Variants in ZNF385D observed in about 807,000 individuals in gnomAD.
ZNF385D encodes the protein zinc finger protein 659.
In ZNF385D, 15 loss-of-function variants were observed where a neutral mutation model predicts 35.8. That is an observed-to-expected ratio of 0.42 (90% CI 0.28 to 0.64). ZNF385D has a LOEUF of 0.64. ZNF385D is among the 30% of genes least tolerant of loss of function. ZNF385D has a pLI of 0.23. For synonymous variants in ZNF385D, 212 were observed against 186.8 expected, an observed-to-expected ratio of 1.13 and a Z score of -1.10; for missense variants, 474 against 494.6, an observed-to-expected ratio of 0.96 and a Z score of 0.39.
At chr3:21,784,220 G>C (rs891788972) in intron 3 of ZNF385D, among the ~76,000 whole-genome samples, 5 of 152,146 alleles carry the variant, frequency 3.3e-5, no homozygotes, top group South Asian at 4.1e-4. Context: ...CAAAATCCAT[G>C]TTTAAAGCAA....
At chr3:22,282,584 G>A (rs544172766) in intron 2 of ZNF385D, among the ~76,000 whole-genome samples, 1 of 152,120 alleles carries the variant, frequency 6.6e-6, no homozygotes, top group African/African-American at 2.4e-5. Flanking sequence ...ATTCCACTGT[G>A]GTCTGAGAGA....
chr3:22,089,127 A>G (rs1364547365), intron 3 of ZNF385D, among the ~76,000 whole-genome samples: 3 of 152,212 alleles, frequency 2.0e-5, no homozygotes, highest in Non-Finnish European at 4.4e-5. Context: ...TAAATTGGCT[A>G]GATCCCTATA....
At chr3:22,155,999 A>G (rs183637607) in intron 3 of ZNF385D, among the ~76,000 whole-genome samples, 2 of 152,226 alleles carry the variant, frequency 1.3e-5, no homozygotes, top group East Asian at 3.9e-4. Context: ...AAAGAAAAAT[A>G]TGAAAGACAG....
At chr3:22,239,205 A>C (rs746597299) in intron 2 of ZNF385D, among the ~76,000 whole-genome samples, 2 of 151,182 alleles carry the variant, frequency 1.3e-5, no homozygotes, top group Non-Finnish European at 2.9e-5. Flanking sequence ...TTCATTGCCA[A>C]ATCTTGCCTG....
intron 3 of ZNF385D, among the ~76,000 whole-genome samples, chr3:22,037,839 T>C (rs1382179279): frequency 6.6e-6 from 1 of 152,172 alleles, no homozygotes; most frequent in Admixed American, 6.5e-5. Flanking sequence ...TTTATGGTTT[T>C]AGGTCTAACA....
intron 3 of ZNF385D, among the ~76,000 whole-genome samples, chr3:21,951,155 A>T (rs2125298394): frequency 6.6e-6 from 1 of 151,794 alleles, no homozygotes; most frequent in Non-Finnish European, 1.5e-5. Flanking sequence ...CATTTTCATG[A>T]TACTGATTCT....
At chr3:22,254,576 A>G (rs1004538096) in intron 2 of ZNF385D, among the ~76,000 whole-genome samples, 14 of 151,832 alleles carry the variant, frequency 9.2e-5, no homozygotes, top group Non-Finnish European at 2.1e-4. Context: ...CCCCTTATCT[A>G]TATTCCAAGG....
chr3:22,223,529 C>T (rs1698383844), intron 2 of ZNF385D, among the ~76,000 whole-genome samples: 1 of 151,936 alleles, frequency 6.6e-6, no homozygotes, highest in Non-Finnish European at 1.5e-5. Flanking sequence ...CATAGGATTG[C>T]TGTGAGAATT....
intron 2 of ZNF385D, among the ~76,000 whole-genome samples, chr3:22,303,152 T>C (rs992322332): frequency 2.0e-5 from 3 of 152,188 alleles, no homozygotes; most frequent in African/African-American, 7.2e-5. Flanking sequence ...AATAATATCG[T>C]TGGCTGCACA....
At chr3:22,108,978 C>T (rs1702370097) in intron 3 of ZNF385D, among the ~76,000 whole-genome samples, 1 of 152,150 alleles carries the variant, frequency 6.6e-6, no homozygotes, top group Non-Finnish European at 1.5e-5. Flanking sequence ...CACCACTGCA[C>T]TCCAGCCTGG....
intron 3 of ZNF385D, among the ~76,000 whole-genome samples, chr3:21,816,597 G>C: frequency 6.6e-6 from 1 of 152,098 alleles, no homozygotes; most frequent in Non-Finnish European, 1.5e-5. Flanking sequence ...GCTTCAAGGA[G>C]AATAAGATAC....
chr3:21,702,905 G>C lies in ZNF385D; in HGVS notation c.23-37877C>G, dbSNP rs1466526486. Among the ~76,000 whole-genome samples, 3 of 152,126 alleles carry C rather than the reference G, an allele frequency of 2.0e-5. No homozygotes were observed. In the East Asian group the frequency reaches 5.8e-4, roughly 29 times the overall value. ...GACCTTATTGTTCATATCACTATAAGCAATTTTTTTCAAAGCCATTCAACA... is the reference window on the plus strand; with the variant it reads ...GACCTTATTGTTCATATCACTATAACCAATTTTTTTCAAAGCCATTCAACA... On this transcript the variant is annotated intron_variant, in intron 1 of 7. Coordinates refer to ENST00000281523, the MANE Select transcript of ZNF385D (RefSeq NM_024697.3).
At chr3:22,125,197 G>A (rs1295287298) in intron 3 of ZNF385D, among the ~76,000 whole-genome samples, 1 of 152,000 alleles carries the variant, frequency 6.6e-6, no homozygotes, top group African/African-American at 2.4e-5. Context: ...TATGTTCTTG[G>A]CACCTTTGTT....
intron 3 of ZNF385D, among the ~76,000 whole-genome samples, chr3:21,924,874 C>A (rs1700646288): frequency 6.6e-6 from 1 of 152,114 alleles, no homozygotes; most frequent in African/African-American, 2.4e-5. Context: ...TGGACTTCTA[C>A]CCTACCTGGC....
Position 21,673,130 on chromosome 3 carries a change from A to C in ZNF385D, c.23-8102T>G, listed in dbSNP as rs538002706. Among the ~76,000 whole-genome samples the C allele has an allele frequency of 4.6e-5, 7 of 152,230 alleles. No individual in the cohort carries two copies. The South Asian group carries it at 1.4e-3, about 32-fold the overall frequency. On this transcript the variant is annotated intron_variant, in intron 1 of 7. Coordinates refer to ENST00000281523, the MANE Select transcript of ZNF385D (RefSeq NM_024697.3). Reference sequence around the variant, plus strand: ...AATTTCCCTCCAGAGGAATTTCTTAAAATTAAATTTCACACCATGAATCAT... The same window carrying C: ...AATTTCCCTCCAGAGGAATTTCTTACAATTAAATTTCACACCATGAATCAT...
chr3:22,068,513 C>G (rs1272598788), intron 3 of ZNF385D, among the ~76,000 whole-genome samples: 1 of 152,138 alleles, frequency 6.6e-6, no homozygotes, highest in Non-Finnish European at 1.5e-5. Flanking sequence ...ATTCACTTTA[C>G]CAATTTAAAA....
At chr3:22,274,543 G>A (rs1188576468) in intron 2 of ZNF385D, among the ~76,000 whole-genome samples, 1 of 151,890 alleles carries the variant, frequency 6.6e-6, no homozygotes, top group Non-Finnish European at 1.5e-5. Context: ...ATGTATGTGT[G>A]AACAGTTTCA....
chr3:22,300,459 A>C (rs1399650536), intron 2 of ZNF385D, among the ~76,000 whole-genome samples: 3 of 151,816 alleles, frequency 2.0e-5, no homozygotes, highest in African/African-American at 7.2e-5. Flanking sequence ...ATCAAAGTAA[A>C]ATCTTCTGTA....
rs1491886 is a variant in ZNF385D at position 22,248,553 on chromosome 3, G to A, written c.107-79518C>T. On this transcript the variant is annotated intron_variant, in intron 2 of 5. Coordinates refer to the ZNF385D transcript ENST00000494108. ...AGTAAAAATTGGGCCTCTCTAAATT[G>A]ACATTACTTTTCAGGAGGCAAGGCT... 4.9e-3 allele frequency among the ~76,000 whole-genome samples: 743 copies of A among 150,254 alleles called. 3 individuals are homozygous for A. Among genetic ancestry groups the A allele is most frequent in the African/African-American group, 0.017 (712 of 40,998 alleles).
Sources: gnomAD v4.1 joint callset for allele counts (sites outside exome capture counted in the v4.1 genomes callset) on GRCh38, gnomAD v4.1.1 for gene constraint, MANE v1.5 for transcripts, NCBI Gene and HGNC (gene_info 2026-07-23, HGNC 2026-07-21) for gene names.